The following C12orf42 variants were observed in gnomAD, a reference collection of about 807,000 sequenced individuals.
The protein encoded by C12orf42 is chromosome 12 open reading frame 42.
Under a neutral mutation model 21.6 loss-of-function variants are expected in C12orf42, and 25 were observed. The observed-to-expected ratio is 1.16, with a 90% CI of 0.84 to 1.62. The LOEUF is 1.62. Ranked by LOEUF, C12orf42 falls within the 40% of genes most tolerant of loss-of-function variation. The pLI is 0.00. For missense variants in C12orf42, 483 were observed against 459.3 expected, an observed-to-expected ratio of 1.05 and a Z score of -0.47; for synonymous variants, 174 against 175.0, an observed-to-expected ratio of 0.99 and a Z score of 0.05.
chr12:103,535,658 A>G, the C12orf42 span, among the ~76,000 whole-genome samples: 6 of 152,230 alleles, frequency 3.9e-5, no homozygotes, highest in Non-Finnish European at 7.3e-5. Context: ...GATTGGAGAG[A>G]GGCAAAGCTG....
chr12:103,080,917 C>T, the C12orf42 span: 2 of 152,306 alleles, frequency 1.3e-5, no homozygotes, highest in African/African-American at 2.4e-5. Context: ...CCCAAAGTCA[C>T]ATGACTAGTA....
At chr12:103,328,608 C>A (rs2040921573) in intron 4 of C12orf42, among the ~76,000 whole-genome samples, 1 of 152,184 alleles carries the variant, frequency 6.6e-6, no homozygotes, top group South Asian at 2.1e-4. Flanking sequence ...ATCCTTTCCA[C>A]AAAGTTCAGT....
At chr12:103,337,987 T>G (rs553492985) in intron 4 of C12orf42, among the ~76,000 whole-genome samples, 11 of 152,304 alleles carry the variant, frequency 7.2e-5, no homozygotes, top group African/African-American at 2.4e-4. Flanking sequence ...ACAGGATATT[T>G]TGAACTCTTC....
chr12:103,506,709 G>A, the C12orf42 span, among the ~76,000 whole-genome samples: 2 of 145,940 alleles, frequency 1.4e-5, no homozygotes, highest in African/African-American at 2.6e-5. Flanking sequence ...AGTGATGCAT[G>A]ATTTTATACA....
At chr12:103,199,915 G>A in the C12orf42 span, among the ~76,000 whole-genome samples, 3 of 152,076 alleles carry the variant, frequency 2.0e-5, no homozygotes, top group Non-Finnish European at 2.9e-5. Flanking sequence ...TTCAGAAAAC[G>A]GTTTGGAGGT....
chr12:103,179,628 C>T, the C12orf42 span, among the ~76,000 whole-genome samples: 7 of 152,128 alleles, frequency 4.6e-5, no homozygotes, highest in East Asian at 5.8e-4. Context: ...AGCATCTGTA[C>T]TTTGTCTCAA....
At chr12:103,390,791 G>C (rs910573377) in intron 3 of C12orf42, among the ~76,000 whole-genome samples, 1 of 152,190 alleles carries the variant, frequency 6.6e-6, no homozygotes, top group African/African-American at 2.4e-5. Flanking sequence ...AGTTCAAGCA[G>C]AGTGAAAATT....
intron 5 of C12orf42, among the ~76,000 whole-genome samples, chr12:103,271,767 C>T (rs769143312): frequency 1.3e-5 from 2 of 152,082 alleles, no homozygotes; most frequent in African/African-American, 2.4e-5. Flanking sequence ...AATGCTGCAA[C>T]GATTATTCAT....
chr12:103,076,649 T>G, the C12orf42 span, among the ~76,000 whole-genome samples: 1 of 152,212 alleles, frequency 6.6e-6, no homozygotes, highest in Non-Finnish European at 1.5e-5. Context: ...GTAAAATATC[T>G]AACTGAAACT....
chr12:103,378,258 T>A (rs560002819), intron 3 of C12orf42, among the ~76,000 whole-genome samples: 2 of 152,322 alleles, frequency 1.3e-5, no homozygotes, highest in South Asian at 4.1e-4. Flanking sequence ...CAGTCTACCA[T>A]GTTTGACCAG....
At chr12:103,211,522 C>A in the C12orf42 span, among the ~76,000 whole-genome samples, 1 of 152,186 alleles carries the variant, frequency 6.6e-6, no homozygotes, top group Admixed American at 6.6e-5. Context: ...TGCCAGGCAA[C>A]TTACGAAGCT....
chr12:103,200,683 T>C, the C12orf42 span, among the ~76,000 whole-genome samples: 202 of 152,342 alleles, frequency 1.3e-3, no homozygotes, highest in Non-Finnish European at 2.5e-3. Flanking sequence ...ATAACATCCT[T>C]ACAATAAGTA....
the C12orf42 span, among the ~76,000 whole-genome samples, chr12:103,090,812 G>A: frequency 1.3e-5 from 2 of 152,210 alleles, no homozygotes; most frequent in Middle Eastern, 6.8e-3. Flanking sequence ...AAGAAAAGCA[G>A]AGACTTAAAA....
chr12:103,222,595 G>A, the C12orf42 span, among the ~76,000 whole-genome samples: 1 of 152,110 alleles, frequency 6.6e-6, no homozygotes, highest in East Asian at 1.9e-4. Flanking sequence ...AGATAGGAGT[G>A]GACAATCTCA....
In C12orf42 at chr12:103,372,923, T is replaced by A. The variant is rs76036094; in HGVS notation, c.148-3925A>T. Among the ~76,000 whole-genome samples the A allele has an allele frequency of 2.5e-3, 379 of 152,294 alleles. 2 individuals are homozygous for A. Among genetic ancestry groups the A allele is most frequent in the Non-Finnish European group, 3.6e-3 (243 of 68,014 alleles). On this transcript the variant is annotated intron_variant, in intron 3 of 5. Coordinates refer to ENST00000548883, the MANE Select transcript of C12orf42 (RefSeq NM_198521.5). ...TTGAAATGCAGTATTATATTCAAACTGCACCTTTCATCAAGGTATGATTTA... is the reference window on the plus strand; with the variant it reads ...TTGAAATGCAGTATTATATTCAAACAGCACCTTTCATCAAGGTATGATTTA...
intron 5 of C12orf42, among the ~76,000 whole-genome samples, chr12:103,276,025 A>C (rs2136284369): frequency 6.6e-6 from 1 of 152,238 alleles, no homozygotes; most frequent in Admixed American, 6.5e-5. Context: ...GTGAGCTATG[A>C]TCATGCCTCC....
chr12:103,489,756 C>A (rs1357447090), intron 1 of C12orf42, among the ~76,000 whole-genome samples: 6 of 152,244 alleles, frequency 3.9e-5, no homozygotes, highest in African/African-American at 1.4e-4. Context: ...CCCACTGAGC[C>A]AGGCACAGGA....
chr12:103,097,809 T>G, the C12orf42 span, among the ~76,000 whole-genome samples: 1 of 152,242 alleles, frequency 6.6e-6, no homozygotes. Context: ...CCCAAAGAAA[T>G]GCGCTGCAAA....
At chr12:103,268,878 A>G (rs764555214) in exon 7 of C12orf42, 1 of 152,160 alleles carries the variant, frequency 6.6e-6, no homozygotes, top group Non-Finnish European at 1.5e-5. Flanking sequence ...GTGGAGACCC[A>G]GTTGATCAGC....
Sources: allele counts gnomAD v4.1 joint callset (sites outside exome capture counted in the v4.1 genomes callset), GRCh38; gene constraint gnomAD v4.1.1; transcripts MANE v1.5; gene names NCBI Gene and HGNC (gene_info 2026-07-23, HGNC 2026-07-21).